Variants in ADAMTSL1 observed in about 807,000 individuals in gnomAD.
ADAMTSL1 encodes the protein ADAMTS-like protein 1.
A neutral mutation model predicts 201.8 loss-of-function variants in ADAMTSL1; 126 were observed. The observed-to-expected ratio is 0.62, with a 90% CI of 0.54 to 0.72. The LOEUF (loss-of-function observed/expected upper bound fraction) is 0.72, where lower values mean the gene tolerates loss of function less well. ADAMTSL1 is among the 30% of genes least tolerant of loss of function. The pLI is 0.00. For missense variants in ADAMTSL1, 2,679 were observed against 2,277.8 expected (o/e 1.18, Z -3.59); for synonymous variants, 1,121 against 903.4 (o/e 1.24, Z -4.32).
At chr9:18,837,503 C>G (rs1034830736) in intron 23 of ADAMTSL1, among the ~76,000 whole-genome samples, 2 of 152,328 alleles carry the variant, frequency 1.3e-5, no homozygotes, top group East Asian at 3.9e-4. Context: ...ATCATAAGGT[C>G]TGGCTTGTGG....
intron 2 of ADAMTSL1, among the ~76,000 whole-genome samples, chr9:18,427,356 A>G (rs1819270817): frequency 6.6e-6 from 1 of 152,194 alleles, no homozygotes; most frequent in Non-Finnish European, 1.5e-5. Flanking sequence ...TAATTCCTGT[A>G]TTTTTGAATG....
intron 2 of ADAMTSL1, among the ~76,000 whole-genome samples, chr9:18,325,113 C>G (rs1423908944): frequency 1.3e-5 from 2 of 152,148 alleles, no homozygotes; most frequent in African/African-American, 2.4e-5. Context: ...GAATGCAGAG[C>G]AACCAGAATC....
intron 2 of ADAMTSL1, among the ~76,000 whole-genome samples, chr9:18,511,782 C>T (rs112430823): frequency 0.012 from 1,850 of 152,080 alleles, 34 homozygotes; most frequent in African/African-American, 0.041. Flanking sequence ...ATTTCTATAC[C>T]GTATAATAAT....
At chr9:18,042,211 T>A (rs532479780) in intron 1 of ADAMTSL1, among the ~76,000 whole-genome samples, 1 of 152,024 alleles carries the variant, frequency 6.6e-6, no homozygotes, top group Non-Finnish European at 1.5e-5. Flanking sequence ...TTATGAAGCA[T>A]AGAAATAGTT....
chr9:18,825,471 C>T (rs922257917), intron 21 of ADAMTSL1, among the ~76,000 whole-genome samples: 6 of 152,182 alleles, frequency 3.9e-5, no homozygotes, highest in African/African-American at 7.2e-5. Context: ...ATGCAGGCTT[C>T]CAAAAATACA....
At chr9:18,700,425 T>C (rs1331543922) in intron 13 of ADAMTSL1, among the ~76,000 whole-genome samples, 1 of 152,156 alleles carries the variant, frequency 6.6e-6, no homozygotes, top group Non-Finnish European at 1.5e-5. Flanking sequence ...AGAAGGTGTT[T>C]CCTTTTCTCT....
At position 18,885,010 on chromosome 9, in the gene ADAMTSL1, A is replaced by T. The variant is rs745969642; in HGVS notation, c.4250-2821A>T. Reference sequence around the variant, plus strand: ...CATCCTAACAGTATTAAGTCTCCTAATCCGTAAACATGAGATGTCCTCCCA... The same window carrying T: ...CATCCTAACAGTATTAAGTCTCCTATTCCGTAAACATGAGATGTCCTCCCA... On this transcript the variant is annotated intron_variant, in intron 23 of 28. Transcript: ENST00000380548. Among the ~76,000 whole-genome samples, 69 of 152,306 alleles carry T rather than the reference A, an allele frequency of 4.5e-4. 1 individual carries two copies. Among genetic ancestry groups the T allele is most frequent in the Non-Finnish European group, 7.2e-4 (49 of 68,014 alleles).
intron 20 of ADAMTSL1, among the ~76,000 whole-genome samples, chr9:18,802,192 C>A (rs1266785277): frequency 6.6e-6 from 1 of 152,088 alleles, no homozygotes; most frequent in East Asian, 1.9e-4. Flanking sequence ...AGGAGGATAG[C>A]TTGAGCCTAG....
chr9:18,862,471 G>A (rs1827272179), intron 23 of ADAMTSL1, among the ~76,000 whole-genome samples: 1 of 152,188 alleles, frequency 6.6e-6, no homozygotes, highest in South Asian at 2.1e-4. Context: ...GTTTTCCTCT[G>A]AAACTGTTGT....
At chr9:18,442,782 CAT>C (rs1820047118) in intron 2 of ADAMTSL1, among the ~76,000 whole-genome samples, 1 of 152,154 alleles carries the variant, frequency 6.6e-6, no homozygotes, top group Admixed American at 6.5e-5. Context: ...TGCTGTCATG[CAT>C]AGACTGGGTG....
intron 4 of ADAMTSL1, among the ~76,000 whole-genome samples, chr9:18,612,365 G>T (rs898936771): frequency 1.1e-4 from 16 of 152,134 alleles, no homozygotes; most frequent in African/African-American, 3.9e-4. Flanking sequence ...TTGAGACAAA[G>T]GGGAAAATTC....
intron 1 of ADAMTSL1, among the ~76,000 whole-genome samples, chr9:18,137,103 T>C (rs7021237): frequency 0.36 from 54,167 of 151,924 alleles, 10,477 homozygotes; most frequent in African/African-American, 0.5. Flanking sequence ...GATGAGGGCA[T>C]ACAGTCAGGG....
intron 1 of ADAMTSL1, among the ~76,000 whole-genome samples, chr9:18,498,658 C>T (rs1822665870): frequency 6.6e-6 from 1 of 152,142 alleles, no homozygotes; most frequent in African/African-American, 2.4e-5. Flanking sequence ...TGAAGAAACT[C>T]TGGCTTAACG....
chr9:18,311,945 G>C (rs1834174548), intron 2 of ADAMTSL1, among the ~76,000 whole-genome samples: 1 of 152,192 alleles, frequency 6.6e-6, no homozygotes, highest in South Asian at 2.1e-4. Context: ...CATGTGGAAA[G>C]GCACAGACAA....
intron 1 of ADAMTSL1, among the ~76,000 whole-genome samples, chr9:18,500,385 A>G (rs1241113161): frequency 6.6e-6 from 1 of 152,198 alleles, no homozygotes; most frequent in Non-Finnish European, 1.5e-5. Context: ...TGTATTCCAT[A>G]AAATTGGCAT....
At chr9:18,093,915 A>G (rs544075685) in intron 1 of ADAMTSL1, among the ~76,000 whole-genome samples, 140 of 152,088 alleles carry the variant, frequency 9.2e-4, no homozygotes, top group Non-Finnish European at 1.9e-3. Flanking sequence ...CAATGGAGCA[A>G]CTCTAAGAGG....
chr9:18,423,430 A>G (rs182760218), intron 2 of ADAMTSL1, among the ~76,000 whole-genome samples: 1 of 152,358 alleles, frequency 6.6e-6, no homozygotes, highest in Admixed American at 6.5e-5. Context: ...TCTTATCCCC[A>G]TTAATGGTTA....
intron 2 of ADAMTSL1, among the ~76,000 whole-genome samples, chr9:18,429,949 C>G (rs1563955859): frequency 6.6e-6 from 1 of 151,858 alleles, no homozygotes; most frequent in African/African-American, 2.4e-5. Flanking sequence ...GCCACGACAC[C>G]CAGCTAGTTT....
intron 1 of ADAMTSL1, among the ~76,000 whole-genome samples, chr9:18,151,043 C>A (rs1406243893): frequency 6.6e-6 from 1 of 151,942 alleles, no homozygotes; most frequent in Non-Finnish European, 1.5e-5. Flanking sequence ...CATTTAAAAC[C>A]ATTCAACTCA....
Sources: gnomAD v4.1 joint callset for allele counts (sites outside exome capture counted in the v4.1 genomes callset) on GRCh38, gnomAD v4.1.1 for gene constraint, MANE v1.5 for transcripts, NCBI Gene and HGNC (gene_info 2026-07-23, HGNC 2026-07-21) for gene names.